Variants in MAPKAP1 observed in about 807,000 individuals in gnomAD.
MAPKAP1 encodes the protein MAPK associated protein 1.
Under a neutral mutation model 65.7 loss-of-function variants are expected in MAPKAP1, and 20 were observed. That is an observed-to-expected ratio of 0.30 (90% CI 0.21 to 0.44). MAPKAP1 has a LOEUF of 0.44. MAPKAP1 is among the 20% of genes least tolerant of loss of function. The pLI is 1.00. For synonymous variants in MAPKAP1, 222 were observed against 244.3 expected, an observed-to-expected ratio of 0.91 and a Z score of 0.85; for missense variants, 423 against 648.0, an observed-to-expected ratio of 0.65 and a Z score of 3.77.
chr9:125,579,465 G>T (rs1368261229), intron 5 of MAPKAP1, among the ~76,000 whole-genome samples: 1 of 152,128 alleles, frequency 6.6e-6, no homozygotes, highest in Non-Finnish European at 1.5e-5. Context: ...CTAATTTTTT[G>T]TATATTTTGT....
chr9:125,655,301 TG>T (rs1833999170), intron 4 of MAPKAP1, among the ~76,000 whole-genome samples: 1 of 152,202 alleles, frequency 6.6e-6, no homozygotes. Context: ...GAACGTCAGA[TG>T]ATTTATGGGA....
At chr9:125,580,036 A>G (rs2131565232) in intron 5 of MAPKAP1, among the ~76,000 whole-genome samples, 1 of 152,348 alleles carries the variant, frequency 6.6e-6, no homozygotes, top group South Asian at 2.1e-4. Context: ...CATGAAAACA[A>G]CAGGTGCTGG....
intron 1 of MAPKAP1, among the ~76,000 whole-genome samples, chr9:125,680,533 T>C (rs1347455529): frequency 6.6e-6 from 1 of 152,232 alleles, no homozygotes; most frequent in Non-Finnish European, 1.5e-5. Context: ...ATCTTCTCCA[T>C]GTGAATATGC....
At chr9:125,552,074 C>G (rs1204608892) in intron 6 of MAPKAP1, among the ~76,000 whole-genome samples, 1 of 152,174 alleles carries the variant, frequency 6.6e-6, no homozygotes, top group African/African-American at 2.4e-5. Flanking sequence ...CTACTGATAT[C>G]CAAACATCTT....
intron 1 of MAPKAP1, among the ~76,000 whole-genome samples, chr9:125,688,920 T>C (rs1336733596): frequency 6.6e-6 from 1 of 152,132 alleles, no homozygotes; most frequent in Non-Finnish European, 1.5e-5. Context: ...CAATATGCTG[T>C]CTCACATTTC....
intron 3 of MAPKAP1, among the ~76,000 whole-genome samples, chr9:125,664,568 T>C (rs571206276): frequency 5.1e-4 from 77 of 150,214 alleles, no homozygotes; most frequent in African/African-American, 1.7e-3. Context: ...CTACTAAAAA[T>C]ACAAAAATTA....
At chr9:125,691,302 C>T (rs1044685570) in intron 1 of MAPKAP1, among the ~76,000 whole-genome samples, 1 of 152,044 alleles carries the variant, frequency 6.6e-6, no homozygotes, top group Admixed American at 6.6e-5. Flanking sequence ...TGGTAGAACT[C>T]GGTGACTGAG....
intron 7 of MAPKAP1, among the ~76,000 whole-genome samples, chr9:125,534,328 C>T (rs1830014330): frequency 6.6e-6 from 1 of 152,194 alleles, no homozygotes; most frequent in Non-Finnish European, 1.5e-5. Context: ...ATGTTTGCTT[C>T]TTCCCCAACA....
chr9:125,693,606 C>T (rs1437043142), intron 1 of MAPKAP1, among the ~76,000 whole-genome samples: 20 of 148,880 alleles, frequency 1.3e-4, no homozygotes, highest in African/African-American at 3.7e-4. Context: ...CACACACATA[C>T]ACATATATAC....
chr9:125,594,858 A>C (rs1589322969), intron 4 of MAPKAP1, among the ~76,000 whole-genome samples: 1 of 152,158 alleles, frequency 6.6e-6, no homozygotes. Context: ...GACCCACCGG[A>C]CCTACCAATT....
chr9:125,505,485 A>T (rs1161702364), intron 8 of MAPKAP1, among the ~76,000 whole-genome samples: 1 of 152,244 alleles, frequency 6.6e-6, no homozygotes, highest in Non-Finnish European at 1.5e-5. Flanking sequence ...TCTAAAAAAT[A>T]ATAAATAAAT....
intron 7 of MAPKAP1, among the ~76,000 whole-genome samples, chr9:125,522,671 T>TA (rs1465968234): frequency 6.6e-6 from 1 of 152,206 alleles, no homozygotes; most frequent in Non-Finnish European, 1.5e-5. Flanking sequence ...ACCCTATTGT[T>TA]AGAGTGCTCT....
intron 9 of MAPKAP1, among the ~76,000 whole-genome samples, chr9:125,479,397 C>T (rs1480571234): frequency 2.0e-5 from 3 of 152,012 alleles, no homozygotes; most frequent in Admixed American, 6.6e-5. Context: ...CTGACCAACA[C>T]GGGGAAACCC....
In MAPKAP1 at chr9:125,446,307, T is replaced by C. The variant is rs527941864; in HGVS notation, c.1346-1709A>G. 2.6e-5 allele frequency among the ~76,000 whole-genome samples: 4 copies of C among 152,316 alleles called. No individual in the cohort carries two copies. In the East Asian group the frequency reaches 7.7e-4, roughly 29 times the overall value. ...ATCCTAAATTGAAAAAATTACCTAA[T>C]AATTTCTGAAAAACCTCACTTTCAG... On this transcript the variant is annotated intron_variant, in intron 10 of 11. Transcript: ENST00000265960.
chr9:125,558,990 C>A (rs1431957769), intron 6 of MAPKAP1: 2 of 152,214 alleles, frequency 1.3e-5, no homozygotes, highest in African/African-American at 4.8e-5. Flanking sequence ...CGCTTTGAAA[C>A]AACAGGCTTC....
chr9:125,502,728 T>C (rs1162884992), intron 8 of MAPKAP1, among the ~76,000 whole-genome samples: 1 of 152,354 alleles, frequency 6.6e-6, no homozygotes, highest in Middle Eastern at 3.4e-3. Flanking sequence ...TAAATGTTCA[T>C]GTGTGATTGC....
At chr9:125,686,625 C>T (rs566134209) in intron 1 of MAPKAP1, among the ~76,000 whole-genome samples, 10 of 152,168 alleles carry the variant, frequency 6.6e-5, no homozygotes, top group Non-Finnish European at 7.4e-5. Flanking sequence ...GTTTTCGCTT[C>T]ACATTGTTTT....
intron 7 of MAPKAP1, among the ~76,000 whole-genome samples, chr9:125,523,629 A>G (rs1829680759): frequency 1.3e-5 from 2 of 152,252 alleles, no homozygotes; most frequent in Admixed American, 1.3e-4. Context: ...GCTAGAGAAA[A>G]AAGCTGTGTG....
In MAPKAP1 at chr9:125,687,108, G is replaced by A. The variant is rs140478839; in HGVS notation, c.-69-14465C>T. Among the ~76,000 whole-genome samples the A allele has an allele frequency of 2.4e-3, 353 of 149,666 alleles. 2 individuals are homozygous for A. Among genetic ancestry groups the A allele is most frequent in the African/African-American group, 7.1e-3 (286 of 40,556 alleles). ...CCCAAAGTGCTGGGATTACAGGCCT[G>A]AGCCACCATGCCCATCTTTTTTTTT... On this transcript the variant is annotated intron_variant, in intron 1 of 11. Transcript: ENST00000265960.
Sources: allele counts gnomAD v4.1 joint callset (sites outside exome capture counted in the v4.1 genomes callset), GRCh38; gene constraint gnomAD v4.1.1; transcripts MANE v1.5; gene names NCBI Gene and HGNC (gene_info 2026-07-23, HGNC 2026-07-21).